GNAQ: variants seen among roughly 807,000 people sequenced by gnomAD.
GNAQ encodes guanine nucleotide-binding protein G(q) subunit alpha.
In GNAQ, 8 loss-of-function variants were observed where a neutral mutation model predicts 43.9. The observed-to-expected ratio is 0.18, with a 90% CI of 0.11 to 0.33. GNAQ has a LOEUF of 0.33. GNAQ is among the 10% of genes least tolerant of loss of function. GNAQ has a pLI of 1.00. For missense variants in GNAQ, 158 were observed against 450.8 expected (o/e 0.35, Z 5.88); for synonymous variants, 155 against 170.7 (o/e 0.91, Z 0.71).
intron 3 of GNAQ, among the ~76,000 whole-genome samples, chr9:77,808,889 CAA>C (rs998303084): frequency 2.6e-5 from 4 of 151,290 alleles, no homozygotes; most frequent in Non-Finnish European, 5.9e-5. Context: ...CAAAACAAAA[CAA>C]AACAAAAAAA....
At chr9:77,769,735 G>A (rs1021625904) in intron 5 of GNAQ, among the ~76,000 whole-genome samples, 2 of 142,494 alleles carry the variant, frequency 1.4e-5, no homozygotes, top group African/African-American at 2.6e-5. Context: ...CGCGATCTCC[G>A]CTCACTGCAA....
chr9:77,860,438 C>T (rs1008117743), intron 2 of GNAQ, among the ~76,000 whole-genome samples: 2 of 152,144 alleles, frequency 1.3e-5, no homozygotes, highest in Non-Finnish European at 2.9e-5. Flanking sequence ...GCTATAAAGA[C>T]TGTGGAATGC....
chr9:77,761,935 C>T (rs1258909202), intron 5 of GNAQ, among the ~76,000 whole-genome samples: 17 of 123,882 alleles, frequency 1.4e-4, no homozygotes, highest in Admixed American at 3.9e-4. Flanking sequence ...CCGCCCCGTC[C>T]GGGAGGGAGG....
At chr9:77,948,310 C>G (rs1028564753) in intron 1 of GNAQ, among the ~76,000 whole-genome samples, 74 of 152,128 alleles carry the variant, frequency 4.9e-4, no homozygotes, top group African/African-American at 1.7e-3. Flanking sequence ...GAATTGCATC[C>G]AAATCTTGCT....
chr9:77,791,945 A>G (rs767007472), intron 5 of GNAQ, among the ~76,000 whole-genome samples: 4 of 152,190 alleles, frequency 2.6e-5, no homozygotes, highest in Non-Finnish European at 5.9e-5. Context: ...ATCTGGGGAA[A>G]CTAGAATTCT....
chr9:77,789,850 A>G (rs557500085), intron 5 of GNAQ, among the ~76,000 whole-genome samples: 1 of 152,308 alleles, frequency 6.6e-6, no homozygotes, highest in South Asian at 2.1e-4. Flanking sequence ...GATCAGCACT[A>G]ACTCCAGGTC....
chr9:77,846,580 A>C (rs1827588112), intron 2 of GNAQ, among the ~76,000 whole-genome samples: 1 of 152,184 alleles, frequency 6.6e-6, no homozygotes, highest in Admixed American at 6.5e-5. Context: ...TTAGATGGGT[A>C]AGGTAGGTCG....
chr9:77,952,521 CTTAAGT>C (rs1336160906), intron 1 of GNAQ, among the ~76,000 whole-genome samples: 5 of 152,098 alleles, frequency 3.3e-5, no homozygotes, highest in Admixed American at 2.6e-4. Flanking sequence ...AAACTTTATT[CTTAAGT>C]TTATTACATT....
intron 6 of GNAQ, among the ~76,000 whole-genome samples, chr9:77,726,670 T>C (rs187500995): frequency 1.2e-4 from 19 of 152,368 alleles, no homozygotes; most frequent in Admixed American, 6.5e-4. Flanking sequence ...ATTTTAAAAA[T>C]AGTCTCTTCT....
chr9:78,002,926 G>A (rs146333483), intron 1 of GNAQ, among the ~76,000 whole-genome samples: 26 of 152,118 alleles, frequency 1.7e-4, no homozygotes, highest in Admixed American at 7.9e-4. Flanking sequence ...AGTACAGAAC[G>A]AGATACACAG....
In GNAQ at chr9:77,995,431, T is replaced by G. The variant is rs191641478; in HGVS notation, c.136+35669A>C. On this transcript the variant is annotated intron_variant, in intron 1 of 6. Transcript: ENST00000286548. ...GGATGAGGAAAGGCATCAAAAAAAG[T>G]CTTCAGCAATTCAGGGTAGAATATT... Among the ~76,000 whole-genome samples, 1,028 of 152,246 alleles carry G rather than the reference T, an allele frequency of 6.8e-3. 40 individuals are homozygous for G. Among genetic ancestry groups the G allele is most frequent in the Admixed American group, 0.062 (954 of 15,280 alleles).
intron 2 of GNAQ, among the ~76,000 whole-genome samples, chr9:77,896,091 T>C (rs945520447): frequency 1.3e-5 from 2 of 152,168 alleles, no homozygotes; most frequent in African/African-American, 4.8e-5. Context: ...GTAGAAGACA[T>C]GCTGGATAGA....
chr9:77,777,363 T>A (rs982229559), intron 5 of GNAQ, among the ~76,000 whole-genome samples: 10 of 151,988 alleles, frequency 6.6e-5, no homozygotes, highest in African/African-American at 2.4e-4. Context: ...AACAATATAC[T>A]AAAATGTAAG....
intron 1 of GNAQ, among the ~76,000 whole-genome samples, chr9:78,014,132 A>C (rs1428181203): frequency 1.3e-5 from 2 of 152,206 alleles, no homozygotes; most frequent in Non-Finnish European, 2.9e-5. Context: ...CAACAAACCC[A>C]ATACAAATTC....
chr9:77,814,268 A>T (rs1826976520), intron 3 of GNAQ, among the ~76,000 whole-genome samples: 1 of 152,120 alleles, frequency 6.6e-6, no homozygotes, highest in Admixed American at 6.5e-5. Flanking sequence ...AAAGGGACGA[A>T]GGACAGAGGG....
chr9:77,846,982 C>A (rs1827596843), intron 2 of GNAQ, among the ~76,000 whole-genome samples: 1 of 152,148 alleles, frequency 6.6e-6, no homozygotes, highest in Admixed American at 6.5e-5. Context: ...CAGTAATGAC[C>A]TACCCTGTCC....
At chr9:77,795,202 T>C (rs550174062) in intron 4 of GNAQ, among the ~76,000 whole-genome samples, 1 of 152,144 alleles carries the variant, frequency 6.6e-6, no homozygotes, top group Non-Finnish European at 1.5e-5. Flanking sequence ...GGTCACTTAC[T>C]TGAAATAAAG....
rs567082965 is a variant in GNAQ at position 77,968,502 on chromosome 9, G to A, written c.137-46157C>T. ...AGTTTCCTTCCTCTTGAACTACAAA[G>A]TTTATCTGGAACAACCTAATGCAAT... On this transcript the variant is annotated intron_variant, in intron 1 of 6. Transcript: ENST00000286548. Among the ~76,000 whole-genome samples the A allele has an allele frequency of 2.0e-5, 3 of 152,228 alleles. No homozygotes were observed. The South Asian group carries it at 6.2e-4, about 32-fold the overall frequency.
Position 77,885,993 on chromosome 9 carries a change from T to C in GNAQ, c.321+36168A>G, listed in dbSNP as rs941019877. On this transcript the variant is annotated intron_variant, in intron 2 of 6. Transcript: ENST00000286548. ...AAAAAGAAAGGCAGGACCTTTTTTTTGAGACAAGAGTCTTGCTCTCTCACC... is the reference window on the plus strand; with the variant it reads ...AAAAAGAAAGGCAGGACCTTTTTTTCGAGACAAGAGTCTTGCTCTCTCACC... 9.4e-5 allele frequency among the ~76,000 whole-genome samples: 6 copies of C among 63,688 alleles called. No individual in the cohort carries two copies. The South Asian group carries it at 3.0e-3, about 32-fold the overall frequency. 41.8% of individuals were successfully genotyped at this position (63,688 alleles called of 152,430 possible). A position where few individuals can be genotyped will look rare whatever the true frequency, so the allele number is the denominator to read the frequency against.
Sources: gnomAD v4.1 joint callset for allele counts (sites outside exome capture counted in the v4.1 genomes callset) on GRCh38, gnomAD v4.1.1 for gene constraint, MANE v1.5 for transcripts, NCBI Gene and HGNC (gene_info 2026-07-23, HGNC 2026-07-21) for gene names.